KIF14: variants seen among roughly 807,000 people sequenced by gnomAD.
The protein encoded by KIF14 is kinesin family member 14.
Under a neutral mutation model 176.2 loss-of-function variants are expected in KIF14, and 98 were observed. The ratio of observed to expected loss-of-function variants is 0.56; its 90% confidence interval spans 0.47 to 0.66. The LOEUF (loss-of-function observed/expected upper bound fraction) is 0.66, where lower values mean the gene tolerates loss of function less well. KIF14 is among the 30% of genes least tolerant of loss of function. The probability of loss-of-function intolerance (pLI) is 0.00; values close to 1 mark genes in which losing one functional copy is unlikely to be tolerated. For missense variants in KIF14, 1,751 were observed against 1,920.4 expected, an observed-to-expected ratio of 0.91 and a Z score of 1.65; for synonymous variants, 566 against 632.2, an observed-to-expected ratio of 0.90 and a Z score of 1.57.
intron 25 of KIF14, among the ~76,000 whole-genome samples, chr1:200,561,504 A>G (rs775200906): frequency 6.6e-6 from 1 of 151,640 alleles, no homozygotes; most frequent in African/African-American, 2.4e-5. Flanking sequence ...GCACCACTGC[A>G]CTCCAGCCTG....
rs1439323497 is a variant in KIF14 at position 200,620,678 on chromosome 1, G to A, written c.-383C>T. 6.6e-6 allele frequency: 1 copy of A among 152,352 alleles called. No homozygotes were observed. The highest frequency in any genetic ancestry group is 2.4e-5 in the African/African-American group (1 of 41,464). 9.4% of individuals were successfully genotyped at this position (152,352 alleles called of 1,614,324 possible). A position where few individuals can be genotyped will look rare whatever the true frequency, so the allele number is the denominator to read the frequency against. ...CCCCTCCGCAGGGTCCGGCACCTTG[G>A]GGACCCCCTCGACACAGTCCCCACG... On this transcript the variant is annotated 5_prime_UTR_variant, in exon 1 of 30. Transcript: ENST00000367350.
intron 8 of KIF14, 105 bp downstream of exon 8, chr1:200,605,178 A>T: frequency 9.3e-7 from 1 of 1,078,566 alleles, no homozygotes; most frequent in Non-Finnish European, 1.4e-6. Context: ...GGTGATCACC[A>T]GGGTGAAAAC....
In KIF14 at chr1:200,555,398, G is replaced by C. The variant is rs547122818; in HGVS notation, c.4410C>G (p.Ile1470Met). The change falls in exon 28 of 30, where the codon ATC (isoleucine) becomes ATG (methionine). Residue 1470 changes from isoleucine (I) to methionine (M), a missense_variant. Physicochemically the swap from Ile to Met is conservative, Grantham distance 10. Coordinates refer to ENST00000367350, the MANE Select transcript of KIF14 (RefSeq NM_014875.3). ...CTCTTACAATTTTCGATTCAGCAAA[G>C]ATGTTTTCAAGAGATCTAATCAATC... ...AMGLIRSLEN[I>M]FAESKIKSFR... 100 of 1,579,852 alleles carry C rather than the reference G, an allele frequency of 6.3e-5. No individual in the cohort carries two copies. Among genetic ancestry groups the C allele is most frequent in the Non-Finnish European group, 7.8e-5 (91 of 1,162,546 alleles).
intron 22 of KIF14, among the ~76,000 whole-genome samples, chr1:200,571,301 C>CG (rs1657774067): frequency 4.1e-5 from 5 of 122,432 alleles, no homozygotes; most frequent in African/African-American, 1.6e-4. Context: ...GGCGACAGAG[C>CG]AAGACTCCAT....
At chr1:200,591,951 T>G (rs1659075638) in intron 16 of KIF14, 129 bp downstream of exon 16, 1 of 704,116 alleles carries the variant, frequency 1.4e-6, no homozygotes, top group African/African-American at 1.8e-5. Flanking sequence ...ATGAATGTAC[T>G]AAGAGAAAAA....
At chr1:200,558,279 C>T (rs1210334197) in intron 27 of KIF14, among the ~76,000 whole-genome samples, 1 of 152,130 alleles carries the variant, frequency 6.6e-6, no homozygotes, top group African/African-American at 2.4e-5. Context: ...TATGTTGTTA[C>T]AAGACTCTAA....
chr1:200,572,554 A>G (rs762882150), intron 22 of KIF14, among the ~76,000 whole-genome samples: 13 of 152,168 alleles, frequency 8.5e-5, no homozygotes, highest in African/African-American at 1.4e-4. Flanking sequence ...CGTGTTAGCC[A>G]GGATGGTCTC....
At chr1:200,616,408 C>T (rs1660408271) in intron 2 of KIF14, among the ~76,000 whole-genome samples, 1 of 152,160 alleles carries the variant, frequency 6.6e-6, no homozygotes, top group African/African-American at 2.4e-5. Context: ...TGCATTTTGT[C>T]CCTACCAGCT....
chr1:200,564,834 T>G (rs1478426020), intron 25 of KIF14, among the ~76,000 whole-genome samples: 1 of 152,198 alleles, frequency 6.6e-6, no homozygotes, highest in Non-Finnish European at 1.5e-5. Context: ...CTGGGGTTGT[T>G]ATAAGGATTA....
chr1:200,591,443 AGT>A (rs1458828770), intron 16 of KIF14, among the ~76,000 whole-genome samples: 1 of 152,214 alleles, frequency 6.6e-6, no homozygotes, highest in African/African-American at 2.4e-5. Context: ...TCTGATTATG[AGT>A]GTCTCACGTC....
intron 29 of KIF14, among the ~76,000 whole-genome samples, 163 bp downstream of exon 29, chr1:200,554,305 C>T (rs920689973): frequency 1.9e-4 from 29 of 152,028 alleles, no homozygotes; most frequent in East Asian, 7.7e-4. Flanking sequence ...GCAGGAGAAT[C>T]GCTTGAACCC....
chr1:200,568,600 A>G (rs1013921152), intron 23 of KIF14, among the ~76,000 whole-genome samples: 8 of 152,190 alleles, frequency 5.3e-5, no homozygotes, highest in African/African-American at 1.7e-4. Flanking sequence ...TGATTTATAT[A>G]TGTGTAAATC....
At chr1:200,572,745 C>A (rs2808235) in intron 22 of KIF14, among the ~76,000 whole-genome samples, 152,367 of 152,368 alleles carry the variant, frequency 1, 76,183 homozygotes, top group Non-Finnish European at 1. Context: ...ATAATACAAA[C>A]CTAGTAATCC....
chr1:200,590,141 G>A lies in KIF14; in HGVS notation c.2945C>T (p.Ala982Val). ...GCCTTTTACCAGTTCTGCTTCCAGT[G>A]CTTTTATTTTGCTTTCATATGCAGC... ...QKAAYESKIK[A>V]LEAELREESQ... The change falls in exon 17 of 30, where the codon GCA becomes GTA. Residue 982 changes from alanine to valine, a missense_variant. Coordinates refer to ENST00000367350, the MANE Select transcript of KIF14 (RefSeq NM_014875.3). 1 of 1,607,446 alleles carries A rather than the reference G, an allele frequency of 6.2e-7. No homozygotes were observed. Among genetic ancestry groups the A allele is most frequent in the South Asian group, 1.1e-5 (1 of 90,286 alleles).
chr1:200,593,734 A>T lies in KIF14; in HGVS notation c.2585T>A (p.Ile862Asn). The change falls in exon 15 of 30, where the codon ATC becomes AAC. Residue 862 changes from isoleucine to asparagine, a missense_variant. Ile to Asn is a moderately radical substitution (Grantham distance 149). Transcript: ENST00000367350. ...IKNFGGTVSI[I>N]PVGEAKTYVN... Reference sequence around the variant, plus strand: ...ATATGTCTTTGCTTCCCCAACTGGGATAATACTCACTGTCCCACCAAAATT... The same window carrying T: ...ATATGTCTTTGCTTCCCCAACTGGGTTAATACTCACTGTCCCACCAAAATT... The T allele has an allele frequency of 6.2e-7, 1 of 1,612,714 alleles. No homozygotes were observed. The highest frequency in any genetic ancestry group is 8.5e-7 in the Non-Finnish European group (1 of 1,179,062).
At chr1:200,588,138 A>C (rs1311761866) in intron 18 of KIF14, among the ~76,000 whole-genome samples, 1 of 152,152 alleles carries the variant, frequency 6.6e-6, no homozygotes, top group Non-Finnish European at 1.5e-5. Context: ...TGTTCATCAG[A>C]ACATCCCACA....
chr1:200,559,361 T>C lies in KIF14; in HGVS notation c.4322A>G (p.His1441Arg). 1.3e-6 allele frequency: 2 copies of C among 1,592,300 alleles called. No individual in the cohort carries two copies. Among genetic ancestry groups the C allele is most frequent in the Non-Finnish European group, 1.7e-6 (2 of 1,168,688 alleles). Residue 1441 changes from histidine to arginine, a missense_variant, in exon 27 of 30, where the codon CAT becomes CGT. Coordinates refer to ENST00000367350, the MANE Select transcript of KIF14 (RefSeq NM_014875.3). ...SGLEKAKELQHELFRQCTKNE... is the reference protein window; with the variant it reads ...SGLEKAKELQRELFRQCTKNE... ...TTTTGTACACTGCCTAAAGAGTTCATGCTGAAGTTCTTTTGCTTTTTCCAG... is the reference window on the plus strand; with the variant it reads ...TTTTGTACACTGCCTAAAGAGTTCACGCTGAAGTTCTTTTGCTTTTTCCAG...
intron 19 of KIF14, among the ~76,000 whole-genome samples, chr1:200,581,966 T>A (rs1461603197): frequency 6.6e-6 from 1 of 151,812 alleles, no homozygotes; most frequent in Non-Finnish European, 1.5e-5. Flanking sequence ...GAGGAGGTTT[T>A]GCCATGTTGC....
intron 14 of KIF14, among the ~76,000 whole-genome samples, chr1:200,597,724 TAA>T (rs1438752836): frequency 6.6e-6 from 1 of 152,168 alleles, no homozygotes; most frequent in South Asian, 2.1e-4. Flanking sequence ...CTAAACTTTA[TAA>T]GAGATAAACT....
Sources: allele counts gnomAD v4.1 joint callset (sites outside exome capture counted in the v4.1 genomes callset), GRCh38; gene constraint gnomAD v4.1.1; transcripts MANE v1.5; gene names NCBI Gene and HGNC (gene_info 2026-07-23, HGNC 2026-07-21).